The following EPM2A variants were observed in gnomAD, a reference collection of about 807,000 sequenced individuals.
EPM2A encodes the protein laforin.
Under a neutral mutation model 26.5 loss-of-function variants are expected in EPM2A, and 21 were observed. The observed-to-expected ratio is 0.79, with a 90% CI of 0.56 to 1.14. EPM2A has a LOEUF of 1.14. Among genes scored for constraint, EPM2A ranks in the 50% most tolerant of loss-of-function variants. EPM2A has a pLI of 0.00. For synonymous variants in EPM2A, 217 were observed against 177.6 expected (o/e 1.22, Z -1.76); for missense variants, 458 against 440.8 (o/e 1.04, Z -0.35).
chr6:145,677,744 G>A (rs781340992), intron 2 of EPM2A, among the ~76,000 whole-genome samples: 1 of 152,104 alleles, frequency 6.6e-6, no homozygotes, highest in Non-Finnish European at 1.5e-5. Context: ...CCTCTTTAAG[G>A]AGAACTACAA....
Position 145,626,574 on chromosome 6 carries a change from T to C in EPM2A, c.*842A>G, listed in dbSNP as rs1582909876. 1.0e-6 allele frequency: 1 copy of C among 985,782 alleles called. No individual in the cohort carries two copies. Among genetic ancestry groups the C allele is most frequent in the Non-Finnish European group, 1.2e-6 (1 of 829,940 alleles). 61.1% of individuals were successfully genotyped at this position (985,782 alleles called of 1,614,324 possible). On this transcript the variant is annotated 3_prime_UTR_variant, in exon 4 of 4. Transcript: ENST00000367519. ...ATACCCTGAGAAAGACAAAACTAAATGCACTACATGATGCTGGGAAAACAA... is the reference window on the plus strand; with the variant it reads ...ATACCCTGAGAAAGACAAAACTAAACGCACTACATGATGCTGGGAAAACAA...
intron 2 of EPM2A, among the ~76,000 whole-genome samples, chr6:145,598,228 A>T (rs1035106108): frequency 1.3e-5 from 2 of 152,086 alleles, no homozygotes; most frequent in African/African-American, 2.4e-5. Context: ...CAACCTCACC[A>T]GCATCTGTTA....
intron 2 of EPM2A, among the ~76,000 whole-genome samples, chr6:145,533,915 T>C (rs1780396446): frequency 1.3e-5 from 2 of 152,174 alleles, no homozygotes; most frequent in Admixed American, 1.3e-4. Context: ...CCTGGTATAT[T>C]GGTGTATCTC....
chr6:145,600,980 C>A (rs1781409846), intron 2 of EPM2A, among the ~76,000 whole-genome samples: 1 of 152,216 alleles, frequency 6.6e-6, no homozygotes, highest in African/African-American at 2.4e-5. Flanking sequence ...AATCTCTCCC[C>A]AGGTTGGGGG....
intron 2 of EPM2A, among the ~76,000 whole-genome samples, chr6:145,543,378 A>G (rs111243102): frequency 0.015 from 2,249 of 152,264 alleles, 50 homozygotes; most frequent in East Asian, 0.084. Flanking sequence ...ACGCCAAACC[A>G]TAGAATGGAG....
intron 2 of EPM2A, among the ~76,000 whole-genome samples, chr6:145,525,988 G>T: frequency 6.6e-6 from 1 of 151,916 alleles, no homozygotes; most frequent in East Asian, 1.9e-4. Flanking sequence ...TTTGTTGAAG[G>T]TTCTTTATCA....
chr6:145,467,545 T>A (rs539255487), intron 4 of EPM2A, among the ~76,000 whole-genome samples: 1 of 152,258 alleles, frequency 6.6e-6, no homozygotes, highest in East Asian at 1.9e-4. Context: ...CAAATGCCAC[T>A]TTTTGATATT....
At chr6:145,623,932 G>A (rs1031884570), downstream of EPM2A, among the ~76,000 whole-genome samples, 1 of 152,208 alleles carries the variant, frequency 6.6e-6, no homozygotes, top group African/African-American at 2.4e-5. Flanking sequence ...TGGGTCCTGA[G>A]CAGCTGCAAG....
At position 145,491,257 on chromosome 6, in the gene EPM2A, C is replaced by A. The variant is rs977316055; in HGVS notation, c.555+11265G>T. The stretch of plus-strand genomic sequence containing the variant: ...AGGGGCTGGGGCTAGCCGGCCACTT[C>A]GGCACCAGCTGAGGCAAACTCTACT... On this transcript the variant is annotated intron_variant, in intron 4 of 4. Coordinates refer to the EPM2A transcript ENST00000638717. The A allele has an allele frequency of 6.5e-5, 24 of 367,518 alleles. No homozygotes were observed. The Admixed American group carries it at 6.9e-4, about 11-fold the overall frequency. 22.8% of individuals were successfully genotyped at this position (367,518 alleles called of 1,614,324 possible). A position where few individuals can be genotyped will look rare whatever the true frequency, so the allele number is the denominator to read the frequency against.
intron 4 of EPM2A, among the ~76,000 whole-genome samples, chr6:145,443,465 C>A (rs1442340275): frequency 6.6e-6 from 1 of 152,006 alleles, no homozygotes; most frequent in Non-Finnish European, 1.5e-5. Flanking sequence ...TAACTGTATT[C>A]CTAGACATTT....
At chr6:145,578,995 C>T (rs1407201479) in intron 2 of EPM2A, among the ~76,000 whole-genome samples, 1 of 151,376 alleles carries the variant, frequency 6.6e-6, no homozygotes, top group African/African-American at 2.4e-5. Flanking sequence ...ACACCGGGGC[C>T]TGTGGTGGGG....
chr6:145,664,274 C>T (rs373671795), intron 2 of EPM2A, among the ~76,000 whole-genome samples: 3 of 88,692 alleles, frequency 3.4e-5, no homozygotes, highest in East Asian at 8.4e-4. Context: ...ACCCATCTCA[C>T]GTGCAGAGAC....
At chr6:145,388,850 T>G (rs1355949322) in intron 4 of EPM2A, among the ~76,000 whole-genome samples, 1 of 152,176 alleles carries the variant, frequency 6.6e-6, no homozygotes, top group Non-Finnish European at 1.5e-5. Context: ...AATTCATCCT[T>G]TTTTATGGTC....
chr6:145,627,721 G>A (rs1310630169), intron 3 of EPM2A, 28 bp from the exon 4 acceptor site: 2 of 1,612,016 alleles, frequency 1.2e-6, no homozygotes, highest in South Asian at 1.1e-5. Flanking sequence ...CAGCACACAT[G>A]TGAATAACTA....
At chr6:145,675,755 A>G (rs1779986853) in intron 2 of EPM2A, among the ~76,000 whole-genome samples, 1 of 152,198 alleles carries the variant, frequency 6.6e-6, no homozygotes, top group Non-Finnish European at 1.5e-5. Flanking sequence ...ATATGCACCC[A>G]ATACAGGAGC....
intron 2 of EPM2A, among the ~76,000 whole-genome samples, chr6:145,604,346 TA>T (rs570304195): frequency 6.6e-6 from 1 of 152,128 alleles, no homozygotes; most frequent in Non-Finnish European, 1.5e-5. Flanking sequence ...ACTCGAAAAA[TA>T]ACATATTAGA....
intron 2 of EPM2A, among the ~76,000 whole-genome samples, chr6:145,646,794 TAG>T (rs1015754042): frequency 6.6e-6 from 1 of 152,152 alleles, no homozygotes; most frequent in Non-Finnish European, 1.5e-5. Flanking sequence ...CCTATCCCAT[TAG>T]AGTCAAATGA....
intron 2 of EPM2A, among the ~76,000 whole-genome samples, chr6:145,645,070 A>G (rs1484367349): frequency 2.0e-5 from 3 of 152,204 alleles, no homozygotes; most frequent in Non-Finnish European, 4.4e-5. Flanking sequence ...TCATGAGTGC[A>G]TTTGGTTACA....
At chr6:145,387,585 C>A (rs1778279757) in intron 4 of EPM2A, among the ~76,000 whole-genome samples, 1 of 152,090 alleles carries the variant, frequency 6.6e-6, no homozygotes. Context: ...TCCTTTCTAT[C>A]TATTCCCACT....
Sources: gnomAD v4.1 joint callset for allele counts (sites outside exome capture counted in the v4.1 genomes callset) on GRCh38, gnomAD v4.1.1 for gene constraint, MANE v1.5 for transcripts, NCBI Gene and HGNC (gene_info 2026-07-23, HGNC 2026-07-21) for gene names.